Variants in UBAC2 observed in about 807,000 individuals in gnomAD.
UBAC2 encodes the protein UBA domain containing 2, also known as ubiquitin-associated domain-containing protein 2.
Under a neutral mutation model 44.0 loss-of-function variants are expected in UBAC2, and 26 were observed. The observed-to-expected ratio is 0.59, with a 90% CI of 0.43 to 0.82. The LOEUF (loss-of-function observed/expected upper bound fraction) is 0.82. Ranked by LOEUF, UBAC2 falls within the 40% of genes least tolerant of loss-of-function variation. The pLI, the probability that UBAC2 is intolerant of heterozygous loss-of-function variation, is 0.00. For missense variants in UBAC2, 329 were observed against 419.4 expected (o/e 0.78, Z 1.88); for synonymous variants, 155 against 154.3 (o/e 1.00, Z -0.04).
chr13:99,228,318 C>T (rs1471821647), intron 1 of UBAC2, among the ~76,000 whole-genome samples: 2 of 150,912 alleles, frequency 1.3e-5, no homozygotes, highest in Non-Finnish European at 2.9e-5. Flanking sequence ...TACGGAATCT[C>T]GCTTTGTTGC....
intron 4 of UBAC2, among the ~76,000 whole-genome samples, chr13:99,257,009 G>T (rs2043573718): frequency 6.6e-6 from 1 of 152,142 alleles, no homozygotes; most frequent in African/African-American, 2.4e-5. Flanking sequence ...GGCATCACGG[G>T]CTATTGATAA....
intron 7 of UBAC2, among the ~76,000 whole-genome samples, chr13:99,361,733 C>A (rs923039970): frequency 6.6e-5 from 10 of 152,228 alleles, no homozygotes; most frequent in Admixed American, 2.0e-4. Flanking sequence ...CCTGTCCCCC[C>A]TCCCCTCCTT....
chr13:99,226,925 G>A (rs760854957), intron 1 of UBAC2, among the ~76,000 whole-genome samples: 18 of 152,134 alleles, frequency 1.2e-4, no homozygotes, highest in Non-Finnish European at 1.5e-4. Flanking sequence ...TTGGCTGGGC[G>A]CGGTGGCTCA....
At chr13:99,290,454 A>G (rs2044074657) in intron 4 of UBAC2, among the ~76,000 whole-genome samples, 1 of 152,062 alleles carries the variant, frequency 6.6e-6, no homozygotes, top group Non-Finnish European at 1.5e-5. Context: ...GGCCGGGCGC[A>G]GTGGTTTACG....
intron 4 of UBAC2, among the ~76,000 whole-genome samples, chr13:99,264,654 A>G (rs2043717272): frequency 6.6e-6 from 1 of 152,154 alleles, no homozygotes; most frequent in Non-Finnish European, 1.5e-5. Flanking sequence ...CAGTTGGGTG[A>G]GGCCTTCTGT....
intron 5 of UBAC2, among the ~76,000 whole-genome samples, chr13:99,315,655 A>G (rs1739283939): frequency 6.6e-6 from 1 of 152,162 alleles, no homozygotes. Flanking sequence ...GGATGATAAT[A>G]TCTACCTTAC....
intron 2 of UBAC2, among the ~76,000 whole-genome samples, chr13:99,239,116 A>G (rs2043271872): frequency 6.6e-6 from 1 of 152,248 alleles, no homozygotes; most frequent in Middle Eastern, 3.2e-3. Flanking sequence ...AAATTCTGGT[A>G]TATGACTGCT....
chr13:99,246,777 C>T (rs533956387), intron 4 of UBAC2, among the ~76,000 whole-genome samples: 33 of 152,252 alleles, frequency 2.2e-4, no homozygotes, highest in African/African-American at 7.2e-4. Context: ...GAGTTACAAA[C>T]TTGAATAAAT....
chr13:99,375,234 A>G (rs929755286), intron 8 of UBAC2, among the ~76,000 whole-genome samples: 12 of 152,098 alleles, frequency 7.9e-5, no homozygotes, highest in South Asian at 2.1e-4. Context: ...GAACGCTGGC[A>G]GGGTCTGTAA....
intron 1 of UBAC2, among the ~76,000 whole-genome samples, chr13:99,234,167 GT>G (rs1555321350): frequency 1.7e-5 from 2 of 116,964 alleles, no homozygotes; most frequent in Non-Finnish European, 3.5e-5. Context: ...TGTGCTAGCC[GT>G]TTCTTTTTTT....
chr13:99,278,704 T>C (rs1440426435), intron 4 of UBAC2, among the ~76,000 whole-genome samples: 6 of 152,200 alleles, frequency 3.9e-5, no homozygotes, highest in African/African-American at 9.6e-5. Flanking sequence ...TGGATAGATA[T>C]TTTAGATATC....
intron 7 of UBAC2, among the ~76,000 whole-genome samples, chr13:99,346,502 C>A (rs2044983280): frequency 6.6e-6 from 1 of 152,238 alleles, no homozygotes; most frequent in Admixed American, 6.5e-5. Context: ...GCCAGCCATG[C>A]CTCACCGGGT....
intron 1 of UBAC2, among the ~76,000 whole-genome samples, chr13:99,204,288 GAAGACTTCCC>G (rs1292994268): frequency 2.0e-5 from 3 of 152,286 alleles, no homozygotes; most frequent in African/African-American, 7.2e-5. Context: ...CACAGTTAAG[GAAGACTTCCC>G]AATGTAGCAA....
intron 6 of UBAC2, among the ~76,000 whole-genome samples, chr13:99,336,644 T>C (rs1407806343): frequency 6.6e-6 from 1 of 152,186 alleles, no homozygotes; most frequent in Non-Finnish European, 1.5e-5. Context: ...TCTTGGTCTA[T>C]TTAAGTAACC....
At position 99,225,576 on chromosome 13, in the gene UBAC2, G is replaced by A. The variant is rs561833807; in HGVS notation, c.32-12851G>A. On this transcript the variant is annotated intron_variant, in intron 1 of 8. Transcript: ENST00000403766. ...TGCATTCATCTGCCAGTGGACACTT[G>A]GGTTCCTCCCGCCAGTATGTGAGCA... is the stretch of plus-strand genomic sequence containing the variant. Among the ~76,000 whole-genome samples the A allele has an allele frequency of 1.9e-4, 29 of 152,212 alleles. No individual in the cohort carries two copies. The South Asian group carries it at 3.5e-3, about 19-fold the overall frequency.
At chr13:99,348,111 T>G (rs1327464022) in intron 7 of UBAC2, among the ~76,000 whole-genome samples, 1 of 152,200 alleles carries the variant, frequency 6.6e-6, no homozygotes, top group African/African-American at 2.4e-5. Flanking sequence ...GCCAGGGCCA[T>G]TACATAACTT....
intron 8 of UBAC2, 128 bp downstream of exon 8, chr13:99,368,034 A>T: frequency 2.5e-6 from 3 of 1,188,392 alleles, no homozygotes; most frequent in African/African-American, 1.5e-5. Flanking sequence ...TCCATCTGCC[A>T]CCATGATAGA....
chr13:99,207,980 C>A (rs1022371510), intron 1 of UBAC2, among the ~76,000 whole-genome samples: 7 of 148,162 alleles, frequency 4.7e-5, no homozygotes, highest in Non-Finnish European at 1.0e-4. Context: ...TTTATTTTTG[C>A]CTCTCATCGT....
intron 7 of UBAC2, among the ~76,000 whole-genome samples, chr13:99,355,400 C>T (rs1263210270): frequency 6.6e-6 from 1 of 152,302 alleles, no homozygotes; most frequent in East Asian, 1.9e-4. Flanking sequence ...TTACCGTCAC[C>T]AGCGTTCAGT....
Sources: allele counts gnomAD v4.1 joint callset (sites outside exome capture counted in the v4.1 genomes callset), GRCh38; gene constraint gnomAD v4.1.1; transcripts MANE v1.5; gene names NCBI Gene and HGNC (gene_info 2026-07-23, HGNC 2026-07-21).